The following LRTM2 variants were observed in gnomAD, a reference collection of about 807,000 sequenced individuals.
LRTM2 encodes leucine rich repeat transmembrane protein 2.
Under a neutral mutation model 28.1 loss-of-function variants are expected in LRTM2, and 18 were observed. The observed-to-expected ratio is 0.64, with a 90% CI of 0.44 to 0.95. The LOEUF is 0.95. LRTM2 is among the 40% of genes least tolerant of loss of function. LRTM2 has a pLI of 0.00. For missense variants in LRTM2, 436 were observed against 497.2 expected (o/e 0.88, Z 1.17); for synonymous variants, 250 against 218.7 (o/e 1.14, Z -1.26).
In LRTM2 at chr12:1,831,522, C is replaced by T. The variant is rs1313166048; in HGVS notation, c.655C>T (p.Arg219Ter). Residue 219 changes from arginine to a stop codon, truncating the protein, a stop_gained, in exon 4 of 5, where the codon CGA becomes TGA. Coordinates refer to ENST00000299194, the MANE Select transcript of LRTM2 (RefSeq NM_001039029.3). LOFTEE classifies it high-confidence loss of function. The part of the protein sequence containing the change: ...FKHWMEWFSY[R>*]GGRLDQLACT... Reference sequence around the variant, plus strand: ...ACACTGGATGGAGTGGTTCTCCTACCGAGGTGAGCGCAGCCGGCCCTGCTG... The same window carrying T: ...ACACTGGATGGAGTGGTTCTCCTACTGAGGTGAGCGCAGCCGGCCCTGCTG... 1.9e-6 allele frequency: 3 copies of T among 1,610,868 alleles called. No individual in the cohort carries two copies. The highest frequency in any genetic ancestry group is 2.5e-6 in the Non-Finnish European group (3 of 1,178,428).
chr12:1,826,408 C>A (rs898779687), intron 1 of LRTM2, among the ~76,000 whole-genome samples: 11 of 60,040 alleles, frequency 1.8e-4, no homozygotes, highest in Admixed American at 7.8e-4. Flanking sequence ...GAGCCCCCCC[C>A]CCCCCCCCGC....
chr12:1,825,989 G>C (rs1298347691), intron 1 of LRTM2, among the ~76,000 whole-genome samples: 1 of 152,206 alleles, frequency 6.6e-6, no homozygotes, highest in Non-Finnish European at 1.5e-5. Flanking sequence ...CGTGCACGCT[G>C]CTGTTTGAAG....
At chr12:1,823,824 CA>C (rs1864209696) in intron 1 of LRTM2, among the ~76,000 whole-genome samples, 1 of 152,188 alleles carries the variant, frequency 6.6e-6, no homozygotes, top group Non-Finnish European at 1.5e-5. Flanking sequence ...GTGGATCAGG[CA>C]ATGCCGTGGA....
rs1264852727 is a variant in LRTM2 at position 1,828,583 on chromosome 12, CTG to C, written c.67+372_67+373del. ...CTCACTGGTGCCTGAGCTTGTCGGCCTGTGTCACAGACTGCGGCGAGCCCTTT... is the reference window on the plus strand; with the variant it reads ...CTCACTGGTGCCTGAGCTTGTCGGCCTGTCACAGACTGCGGCGAGCCCTTT... On this transcript the variant is annotated intron_variant, in intron 3 of 4. Coordinates refer to ENST00000299194, the MANE Select transcript of LRTM2 (RefSeq NM_001039029.3). The surrounding 1 kb of genome is among the most constrained non-coding windows in gnomAD (Gnocchi z 4.2). Among the ~76,000 whole-genome samples, 2 of 152,230 alleles carry C rather than the reference CTG, an allele frequency of 1.3e-5. No homozygotes were observed. The highest frequency in any genetic ancestry group is 2.9e-5 in the Non-Finnish European group (2 of 68,042).
At position 1,828,928 on chromosome 12, in the gene LRTM2, C is replaced by T. The variant is rs977478612; in HGVS notation, c.67+713C>T. Among the ~76,000 whole-genome samples, 1 of 152,212 alleles carries T rather than the reference C, an allele frequency of 6.6e-6. No homozygotes were observed. Among genetic ancestry groups the T allele is most frequent in the Non-Finnish European group, 1.5e-5 (1 of 68,038 alleles). On this transcript the variant is annotated intron_variant, in intron 3 of 4. Coordinates refer to ENST00000299194, the MANE Select transcript of LRTM2 (RefSeq NM_001039029.3). This position sits in a 1 kb window ranked among gnomAD's most constrained non-coding sequence, Gnocchi z 4.2. ...GACCAGGTCAGCAAGGGCTGGTCTG[C>T]CCAAGGCTACACGGTGGCAGGGAGG...
intron 1 of LRTM2, among the ~76,000 whole-genome samples, chr12:1,826,434 G>A (rs1485328117): frequency 2.5e-5 from 3 of 118,166 alleles, no homozygotes; most frequent in Non-Finnish European, 3.4e-5. Context: ...GGCACCAGGA[G>A]CCCACTGGAG....
At chr12:1,832,367 G>A (rs992584796) in intron 4 of LRTM2, among the ~76,000 whole-genome samples, 7 of 152,208 alleles carry the variant, frequency 4.6e-5, no homozygotes, top group African/African-American at 7.2e-5. Flanking sequence ...TGCACGGAAC[G>A]TGGCTTGAGA....
Position 1,828,684 on chromosome 12 carries a change from T to C in LRTM2, c.67+469T>C, listed in dbSNP as rs979384387. On this transcript the variant is annotated intron_variant, in intron 3 of 4. Transcript: ENST00000299194. The surrounding 1 kb of genome is among the most constrained non-coding windows in gnomAD (Gnocchi z 4.2). ...GTCAGCTTGGAGATGTCTCTTATGC[T>C]CCTTATGCCTCCGCTTTCCCAACTC... is the stretch of plus-strand genomic sequence containing the variant. 6.6e-6 allele frequency among the ~76,000 whole-genome samples: 1 copy of C among 152,082 alleles called. No homozygotes were observed. Among genetic ancestry groups the C allele is most frequent in the African/African-American group, 2.4e-5 (1 of 41,416 alleles).
In LRTM2 at chr12:1,834,609, T is replaced by G. The variant is rs961125080; in HGVS notation, c.1001T>G (p.Ile334Ser). 1 of 1,599,930 alleles carries G rather than the reference T, an allele frequency of 6.3e-7. No individual in the cohort carries two copies. Among genetic ancestry groups the G allele is most frequent in the Non-Finnish European group, 8.5e-7 (1 of 1,179,902 alleles). ...MMVVAAAYGCIYASLMAKYHR... is the reference protein window; with the variant it reads ...MMVVAAAYGCSYASLMAKYHR... ...GTGGTGGCCGCTGCCTATGGCTGCA[T>G]CTACGCCTCCCTCATGGCCAAGTAC... The change falls in exon 5 of 5, where the codon ATC (isoleucine) becomes AGC (serine). Residue 334 changes from isoleucine (I) to serine (S), a missense_variant. By Grantham distance (142) the Ile-to-Ser change is moderately radical. Coordinates refer to ENST00000299194, the MANE Select transcript of LRTM2 (RefSeq NM_001039029.3). The surrounding 1 kb of genome is among the most constrained non-coding windows in gnomAD (Gnocchi z 7.6).
In LRTM2 at chr12:1,831,359, G is replaced by A. The variant is rs1188453115; in HGVS notation, c.492G>A (p.Leu164=). 2.5e-6 allele frequency: 4 copies of A among 1,613,818 alleles called. No homozygotes were observed. The highest frequency in any genetic ancestry group is 2.7e-5 in the African/African-American group (2 of 74,930). The change falls in exon 4 of 5, where the codon CTG becomes CTA. Residue 164 remains leucine, a synonymous_variant. Transcript: ENST00000299194. ...CCCCTGGTCTTTTCGACGGGCTCCT[G>A]GCTCTGCGCTCCCTCTCGCTTCGCT... is the stretch of plus-strand genomic sequence containing the variant. ...QLPPGLFDGL[L]ALRSLSLRSN...
At position 1,829,753 on chromosome 12, in the gene LRTM2, G is replaced by A. The variant is rs2154447022; in HGVS notation, c.68-1182G>A. ...CCATGTCAGGGTGGGCCGATGGGCT[G>A]TGAGCTGGGTCTGAACTTCTCCATC... On this transcript the variant is annotated intron_variant, in intron 3 of 4. Coordinates refer to ENST00000299194, the MANE Select transcript of LRTM2 (RefSeq NM_001039029.3). The surrounding 1 kb of genome is among the most constrained non-coding windows in gnomAD (Gnocchi z 4.2). 6.7e-6 allele frequency among the ~76,000 whole-genome samples: 1 copy of A among 150,122 alleles called. No individual in the cohort carries two copies. The highest frequency in any genetic ancestry group is 2.1e-4 in the South Asian group (1 of 4,716).
rs138572937 is a variant in LRTM2, at chr12:1,831,358, T to C, written c.491T>C (p.Leu164Pro). 900 of 1,613,990 alleles carry C rather than the reference T, an allele frequency of 5.6e-4. No individual in the cohort carries two copies. The highest frequency in any genetic ancestry group is 7.4e-4 in the Non-Finnish European group (871 of 1,180,032). ...QLPPGLFDGL[L>P]ALRSLSLRSN... ...CCCCCTGGTCTTTTCGACGGGCTCC[T>C]GGCTCTGCGCTCCCTCTCGCTTCGC... Residue 164 changes from leucine (L) to proline (P), a missense_variant, in exon 4 of 5, where the codon CTG becomes CCG. Physicochemically the swap from Leu to Pro is moderately conservative, Grantham distance 98. Transcript: ENST00000299194.
chr12:1,822,536 C>A (rs1310812862), intron 1 of LRTM2, among the ~76,000 whole-genome samples: 1 of 152,170 alleles, frequency 6.6e-6, no homozygotes, highest in South Asian at 2.1e-4. Context: ...TGTCAGGGAC[C>A]AGCTCCCATG....
In LRTM2 at chr12:1,835,032, A is replaced by G. The variant is rs1864797218; in HGVS notation, c.*311A>G. The G allele has an allele frequency of 3.0e-6, 1 of 337,848 alleles. No homozygotes were observed. Among genetic ancestry groups the G allele is most frequent in the Non-Finnish European group, 5.3e-6 (1 of 187,054 alleles). 20.9% of individuals were successfully genotyped at this position (337,848 alleles called of 1,614,324 possible). On this transcript the variant is annotated 3_prime_UTR_variant, in exon 5 of 5. Transcript: ENST00000299194. Reference sequence around the variant, plus strand: ...GCAAGAGGAGGCTTCCGGACTGGGCATTCCCCTGTCGCCCTTCCTGCCCTG... The same window carrying G: ...GCAAGAGGAGGCTTCCGGACTGGGCGTTCCCCTGTCGCCCTTCCTGCCCTG...
rs766444295 is a variant in LRTM2, at chr12:1,828,156, C to T, written c.8C>T (p.Ala3Val). The change falls in exon 3 of 5, where the codon GCG becomes GTG. Residue 3 changes from alanine (A) to valine (V), a missense_variant. Physicochemically the swap from Ala to Val is moderately conservative, Grantham distance 64. Transcript: ENST00000299194. The surrounding 1 kb of genome is among the most constrained non-coding windows in gnomAD (Gnocchi z 4.2). ...AGAGCCGTGGGCCTCACCATGCTGG[C>T]GCCGGGCAGCAGCCCTGGGCAGAGG... ML[A>V]PGSSPGQRGR... 89 of 1,542,300 alleles carry T rather than the reference C, an allele frequency of 5.8e-5. No homozygotes were observed. Among genetic ancestry groups the T allele is most frequent in the Middle Eastern group, 1.8e-4 (1 of 5,552 alleles).
intron 2 of LRTM2, chr12:1,827,807 T>G: frequency 3.4e-6 from 1 of 298,334 alleles, no homozygotes; most frequent in African/African-American, 2.2e-5. Flanking sequence ...AGAAGGCAGA[T>G]GAGGCTGGGT....
At position 1,831,479 on chromosome 12, in the gene LRTM2, T is replaced by A; in HGVS notation, c.612T>A (p.Cys204Ter). The change falls in exon 4 of 5, where the codon TGT (cysteine) becomes TGA (stop). Residue 204 changes from cysteine to a stop codon, truncating the protein, a stop_gained. Transcript: ENST00000299194. LOFTEE classifies it high-confidence loss of function. ...GGGATAACCCCTGGGAGTGTGACTG[T>A]AACCTGCGTGAGTTCAAACACTGGA... is the stretch of plus-strand genomic sequence containing the variant. The part of the protein sequence containing the change: ...QVGDNPWECD[C>*]NLREFKHWME... 1 of 1,613,948 alleles carries A rather than the reference T, an allele frequency of 6.2e-7. No individual in the cohort carries two copies.
rs552262991 is a variant in LRTM2, at chr12:1,832,478, G to A, written c.658+953G>A. On this transcript the variant is annotated intron_variant, in intron 4 of 4. Coordinates refer to ENST00000299194, the MANE Select transcript of LRTM2 (RefSeq NM_001039029.3). ...GTGGACTTGAAACACCATTTGGCAC[G>A]AAGAAGATGCTCAATGAATGTTTGC... Among the ~76,000 whole-genome samples the A allele has an allele frequency of 4.6e-4, 70 of 152,310 alleles. No individual in the cohort carries two copies. The South Asian group carries it at 7.0e-3, about 15-fold the overall frequency.
intron 1 of LRTM2, among the ~76,000 whole-genome samples, chr12:1,823,537 A>G (rs1164223844): frequency 2.0e-5 from 3 of 151,658 alleles, no homozygotes; most frequent in Non-Finnish European, 2.9e-5. Context: ...CCCTGCTCCT[A>G]CTGGGGCCTC....
Sources: gnomAD v4.1 joint callset for allele counts (sites outside exome capture counted in the v4.1 genomes callset) on GRCh38, gnomAD v4.1.1 for gene constraint, Gnocchi (gnomAD v3.1) non-coding constraint, MANE v1.5 for transcripts, NCBI Gene and HGNC (gene_info 2026-07-23, HGNC 2026-07-21) for gene names.